Variants in CSMD1 observed in about 807,000 individuals in gnomAD.
CSMD1 encodes the protein CUB and sushi domain-containing protein 1.
In CSMD1, 213 loss-of-function variants were observed where a neutral mutation model predicts 417.5. That is an observed-to-expected ratio of 0.51 (90% CI 0.46 to 0.57). The LOEUF (loss-of-function observed/expected upper bound fraction) is 0.57. Among genes scored for constraint, CSMD1 ranks in the 20% least tolerant of loss-of-function variants. The pLI, the probability that CSMD1 is intolerant of heterozygous loss-of-function variation, is 0.00. For missense variants in CSMD1, 6,923 were observed against 4,529.7 expected, an observed-to-expected ratio of 1.53 and a Z score of -15.17; for synonymous variants, 2,862 against 1,736.8, an observed-to-expected ratio of 1.65 and a Z score of -16.11.
chr8:4,339,334 G>T (rs1015465127), intron 3 of CSMD1, among the ~76,000 whole-genome samples: 4 of 152,068 alleles, frequency 2.6e-5, no homozygotes, highest in Admixed American at 6.6e-5. Context: ...CACAAGCTAT[G>T]CTGGCAGATT....
chr8:3,378,496 T>G (rs1303353490), intron 18 of CSMD1, among the ~76,000 whole-genome samples: 1 of 152,106 alleles, frequency 6.6e-6, no homozygotes, highest in Non-Finnish European at 1.5e-5. Context: ...GTGAAAATCC[T>G]CCATAAAATG....
At chr8:4,926,245 C>A (rs1585343072) in intron 1 of CSMD1, among the ~76,000 whole-genome samples, 1 of 152,190 alleles carries the variant, frequency 6.6e-6, no homozygotes, top group East Asian at 1.9e-4. Context: ...CTTGTGGACA[C>A]AATGAATAAA....
chr8:3,729,394 C>G (rs143977971), intron 6 of CSMD1, among the ~76,000 whole-genome samples: 15 of 152,276 alleles, frequency 9.9e-5, no homozygotes, highest in African/African-American at 2.9e-4. Context: ...TGTGCTCAGT[C>G]AGTTCTTAGG....
chr8:4,418,356 T>C (rs947486794), intron 3 of CSMD1, among the ~76,000 whole-genome samples: 1 of 152,156 alleles, frequency 6.6e-6, no homozygotes, highest in Non-Finnish European at 1.5e-5. Flanking sequence ...TGCCCTATTT[T>C]CTTCATTATA....
chr8:4,068,059 G>A (rs146717742), intron 3 of CSMD1, among the ~76,000 whole-genome samples: 10 of 151,948 alleles, frequency 6.6e-5, no homozygotes, highest in Non-Finnish European at 1.3e-4. Flanking sequence ...CCAGCCTGGC[G>A]ACAGAGGGAG....
chr8:3,829,947 A>G (rs1417160412), intron 5 of CSMD1, among the ~76,000 whole-genome samples: 3 of 152,192 alleles, frequency 2.0e-5, no homozygotes, highest in Non-Finnish European at 4.4e-5. Flanking sequence ...AACTGATTTC[A>G]AGGAAAATTA....
At chr8:3,766,553 C>A (rs1871819) in intron 5 of CSMD1, among the ~76,000 whole-genome samples, 146,109 of 152,182 alleles carry the variant, frequency 0.96, 70,407 homozygotes, top group East Asian at 1. Context: ...TCGGCACTGG[C>A]AATGGATATC....
At chr8:4,328,795 A>G (rs1157386863) in intron 3 of CSMD1, among the ~76,000 whole-genome samples, 1 of 152,212 alleles carries the variant, frequency 6.6e-6, no homozygotes, top group Non-Finnish European at 1.5e-5. Context: ...ATTCTCTTTG[A>G]AATAAACTTC....
At chr8:4,290,812 A>C (rs1403363049) in intron 3 of CSMD1, among the ~76,000 whole-genome samples, 1 of 152,204 alleles carries the variant, frequency 6.6e-6, no homozygotes, top group Admixed American at 6.5e-5. Context: ...AAGAAATCAC[A>C]ATTTGTAATT....
chr8:3,851,582 G>C (rs1317813257), intron 5 of CSMD1, among the ~76,000 whole-genome samples: 2 of 152,182 alleles, frequency 1.3e-5, no homozygotes, highest in Admixed American at 6.5e-5. Flanking sequence ...TGCAGGCCAA[G>C]GGAGGGCAGG....
intron 1 of CSMD1, among the ~76,000 whole-genome samples, chr8:4,925,190 A>G (rs1357527553): frequency 6.6e-6 from 1 of 150,766 alleles, no homozygotes; most frequent in East Asian, 2.0e-4. Context: ...TCAGAGAATA[A>G]AACATGGTGA....
At chr8:3,495,459 C>T (rs1298731928) in intron 10 of CSMD1, among the ~76,000 whole-genome samples, 1 of 152,036 alleles carries the variant, frequency 6.6e-6, no homozygotes, top group South Asian at 2.1e-4. Context: ...GGAAAAAGGG[C>T]CATTCTGTAA....
chr8:4,314,706 T>A (rs1343534141), intron 3 of CSMD1, among the ~76,000 whole-genome samples: 1 of 152,220 alleles, frequency 6.6e-6, no homozygotes, highest in Non-Finnish European at 1.5e-5. Flanking sequence ...TTTTATGTGT[T>A]CTTACGTACA....
intron 6 of CSMD1, among the ~76,000 whole-genome samples, chr8:3,748,660 T>G (rs1162200714): frequency 6.6e-6 from 1 of 152,208 alleles, no homozygotes; most frequent in Non-Finnish European, 1.5e-5. Flanking sequence ...TCAGAAAATG[T>G]GAGCATTGGA....
chr8:4,747,703 C>A (rs1811045439), intron 1 of CSMD1, among the ~76,000 whole-genome samples: 1 of 152,164 alleles, frequency 6.6e-6, no homozygotes. Flanking sequence ...CACCTACCAT[C>A]ATCCTGGTCT....
intron 2 of CSMD1, among the ~76,000 whole-genome samples, chr8:4,538,361 G>C (rs190612101): frequency 4.4e-4 from 67 of 151,680 alleles, no homozygotes; most frequent in African/African-American, 1.6e-3. Context: ...TTTTTTAAAA[G>C]GCTGGGTGCG....
intron 3 of CSMD1, among the ~76,000 whole-genome samples, chr8:4,116,337 T>C (rs62501350): frequency 0.12 from 17,929 of 152,150 alleles, 1,336 homozygotes; most frequent in South Asian, 0.34. Flanking sequence ...TGTATGATAC[T>C]ATAAGGGTGG....
At chr8:4,309,680 C>T (rs924779354) in intron 3 of CSMD1, among the ~76,000 whole-genome samples, 6 of 152,136 alleles carry the variant, frequency 3.9e-5, no homozygotes, top group Non-Finnish European at 7.4e-5. Context: ...TCACCTTACA[C>T]ATTTTTTTAG....
intron 3 of CSMD1, among the ~76,000 whole-genome samples, chr8:4,136,987 T>C (rs1055702727): frequency 2.0e-5 from 3 of 152,182 alleles, no homozygotes; most frequent in Admixed American, 1.3e-4. Context: ...CAAATAAATG[T>C]GGGCACAGTG....
Sources: gnomAD v4.1 joint callset for allele counts (sites outside exome capture counted in the v4.1 genomes callset) on GRCh38, gnomAD v4.1.1 for gene constraint, MANE v1.5 for transcripts, NCBI Gene and HGNC (gene_info 2026-07-23, HGNC 2026-07-21) for gene names.